Variants in PITPNM3 observed in about 807,000 individuals in gnomAD.
The protein encoded by PITPNM3 is PITPNM family member 3, also known as membrane-associated phosphatidylinositol transfer protein 3.
A neutral mutation model predicts 102.0 loss-of-function variants in PITPNM3; 26 were observed. The ratio of observed to expected loss-of-function variants is 0.25; its 90% CI spans 0.19 to 0.35. PITPNM3 has a LOEUF of 0.35. Ranked by LOEUF, PITPNM3 falls within the 10% of genes least tolerant of loss-of-function variation. PITPNM3 has a pLI of 1.00. For synonymous variants in PITPNM3, 578 were observed against 558.6 expected, an observed-to-expected ratio of 1.03 and a Z score of -0.49; for missense variants, 1,083 against 1,346.1, an observed-to-expected ratio of 0.80 and a Z score of 3.06.
At position 6,499,587 on chromosome 17, in the gene PITPNM3, T is replaced by A. The variant is rs28731299; in HGVS notation, c.274+3940A>T. 2.6e-5 allele frequency among the ~76,000 whole-genome samples: 4 copies of A among 152,264 alleles called. No individual in the cohort carries two copies. The South Asian group carries it at 6.2e-4, about 24-fold the overall frequency. Reference sequence around the variant, plus strand: ...CAGCTTCCAAGGCACATCCGTCCAGTAACAAGTGACAACCATCAGAACTTT... The same window carrying A: ...CAGCTTCCAAGGCACATCCGTCCAGAAACAAGTGACAACCATCAGAACTTT... On this transcript the variant is annotated intron_variant, in intron 4 of 19. Transcript: ENST00000262483.
chr17:6,549,793 C>T (rs1190845578), intron 1 of PITPNM3, among the ~76,000 whole-genome samples: 3 of 152,230 alleles, frequency 2.0e-5, no homozygotes, highest in Non-Finnish European at 4.4e-5. Flanking sequence ...ATTCTCTCCT[C>T]CCCCCTCCCA....
intron 1 of PITPNM3, among the ~76,000 whole-genome samples, chr17:6,542,032 G>C (rs1909755788): frequency 6.6e-6 from 1 of 152,230 alleles, no homozygotes; most frequent in South Asian, 2.1e-4. Context: ...TTGCTCTGCG[G>C]AAGAGATCAG....
rs922081282 is a variant in PITPNM3 at position 6,455,132 on chromosome 17, G to C, written c.*206C>G. 6.5e-6 allele frequency: 4 copies of C among 618,724 alleles called. No individual in the cohort carries two copies. Among genetic ancestry groups the C allele is most frequent in the Non-Finnish European group, 1.1e-5 (4 of 378,754 alleles). 38.3% of individuals were successfully genotyped at this position (618,724 alleles called of 1,614,324 possible). ...CGTGGGAGGCAGCAGTGGCTGCACC[G>C]AGATCCCCGGACCTCACCCCGTCGC... On this transcript the variant is annotated 3_prime_UTR_variant, in exon 20 of 20. Transcript: ENST00000262483.
At chr17:6,516,376 A>T (rs1376426133) in intron 3 of PITPNM3, among the ~76,000 whole-genome samples, 2 of 151,600 alleles carry the variant, frequency 1.3e-5, no homozygotes, top group African/African-American at 4.9e-5. Context: ...ATCCTGGCTA[A>T]CATGGCGAAA....
At chr17:6,466,013 G>A (rs888462844) in intron 14 of PITPNM3, among the ~76,000 whole-genome samples, 1 of 152,190 alleles carries the variant, frequency 6.6e-6, no homozygotes, top group Admixed American at 6.5e-5. Context: ...ACTGCCCTCT[G>A]CGTAGAGTCC....
chr17:6,461,291 C>T (rs1904436623), intron 18 of PITPNM3, 82 bp downstream of exon 18: 4 of 1,503,778 alleles, frequency 2.7e-6, no homozygotes, highest in South Asian at 1.1e-5. Context: ...AGGCCCCACC[C>T]GGGAGGAGGG....
chr17:6,460,722 G>T (rs772789346), intron 18 of PITPNM3: 1 of 153,474 alleles, frequency 6.5e-6, no homozygotes, highest in South Asian at 2.1e-4. Context: ...GCTGTGGGCT[G>T]GGTTTGGTCA....
Position 6,556,411 on chromosome 17 carries a change from C to G in PITPNM3, c.-5G>C. 7.7e-7 allele frequency: 1 copy of G among 1,302,220 alleles called. No homozygotes were observed. The highest frequency in any genetic ancestry group is 9.8e-7 in the Non-Finnish European group (1 of 1,025,044). The allele number at this position is 1,302,220 out of a possible 1,614,324, so 80.7% of individuals were successfully genotyped here. Reference sequence around the variant, plus strand: ...TGCACGGCCCGCCTTGGCCATGTCCCGGGCGGCGGGCTCCGGCGGCGCTAC... The same window carrying G: ...TGCACGGCCCGCCTTGGCCATGTCCGGGGCGGCGGGCTCCGGCGGCGCTAC... On this transcript the variant is annotated 5_prime_UTR_variant, in exon 1 of 20. Transcript: ENST00000262483. The surrounding 1 kb of genome is among the most constrained non-coding windows in gnomAD (Gnocchi z 5.2).
intron 1 of PITPNM3, 51 bp from the exon 2 acceptor site, chr17:6,538,133 T>A: frequency 7.0e-7 from 1 of 1,418,956 alleles, no homozygotes; most frequent in Non-Finnish European, 9.9e-7. Flanking sequence ...TGTCCCAGTA[T>A]GAGGGAGGTG....
chr17:6,499,079 C>G (rs990475018), intron 4 of PITPNM3, among the ~76,000 whole-genome samples: 2 of 152,102 alleles, frequency 1.3e-5, no homozygotes, highest in Non-Finnish European at 2.9e-5. Context: ...CAGTAGGTCA[C>G]CCAGGTCTCC....
At chr17:6,512,062 A>G (rs1163231264) in intron 3 of PITPNM3, among the ~76,000 whole-genome samples, 1 of 152,234 alleles carries the variant, frequency 6.6e-6, no homozygotes, top group Non-Finnish European at 1.5e-5. Flanking sequence ...CTTCCATAGC[A>G]GAGGAGCCAG....
chr17:6,505,091 G>A (rs1292698655), intron 3 of PITPNM3, among the ~76,000 whole-genome samples: 1 of 151,604 alleles, frequency 6.6e-6, no homozygotes, highest in Non-Finnish European at 1.5e-5. Context: ...CAGGAGAATT[G>A]CTTGAACCCA....
At chr17:6,547,983 C>T (rs1910114223) in intron 1 of PITPNM3, among the ~76,000 whole-genome samples, 1 of 152,136 alleles carries the variant, frequency 6.6e-6, no homozygotes, top group African/African-American at 2.4e-5. Context: ...CTGCCTCGGC[C>T]TCCCAAAGTG....
intron 5 of PITPNM3, 116 bp from the exon 6 acceptor site, chr17:6,483,868 G>C: frequency 1.1e-6 from 1 of 910,674 alleles, no homozygotes; most frequent in Middle Eastern, 3.0e-4. Flanking sequence ...CGCACACACG[G>C]GGAGACTGAG....
At chr17:6,498,619 G>T (rs560497138) in intron 4 of PITPNM3, among the ~76,000 whole-genome samples, 2 of 152,168 alleles carry the variant, frequency 1.3e-5, no homozygotes, top group Non-Finnish European at 2.9e-5. Flanking sequence ...AGAAGATAGG[G>T]CCTCAACTAG....
At chr17:6,504,716 C>T (rs1434738058) in intron 3 of PITPNM3, among the ~76,000 whole-genome samples, 1 of 152,208 alleles carries the variant, frequency 6.6e-6, no homozygotes, top group Non-Finnish European at 1.5e-5. Context: ...AGTGACACTG[C>T]ATTATAATTG....
At position 6,463,830 on chromosome 17, in the gene PITPNM3, C is replaced by G. The variant is rs763196443; in HGVS notation, c.2208G>C (p.Met736Ile). 6 of 1,613,996 alleles carry G rather than the reference C, an allele frequency of 3.7e-6. No homozygotes were observed. The highest frequency in any genetic ancestry group is 4.2e-6 in the Non-Finnish European group (5 of 1,179,998). Reference protein sequence around the residue: ...MSYLTVLPRGMECVVFSIDGS... With the variant: ...MSYLTVLPRGIECVVFSIDGS... ...CATCAATGCTGAACACTACACACTCCATGCCCCTGGGCAACACCGTGAGGT... is the reference window on the plus strand; with the variant it reads ...CATCAATGCTGAACACTACACACTCGATGCCCCTGGGCAACACCGTGAGGT... The change falls in exon 17 of 20, where the codon ATG becomes ATC. Residue 736 changes from methionine (M) to isoleucine (I), a missense_variant. Transcript: ENST00000262483.
At chr17:6,487,358 G>A (rs780805964) in intron 4 of PITPNM3, among the ~76,000 whole-genome samples, 2 of 152,168 alleles carry the variant, frequency 1.3e-5, no homozygotes, top group Non-Finnish European at 2.9e-5. Context: ...GTGGAACACA[G>A]GAAGTGTCAC....
chr17:6,473,361 C>G (rs1245103330), intron 10 of PITPNM3: 1 of 206,178 alleles, frequency 4.9e-6, no homozygotes, highest in African/African-American at 2.3e-5. Flanking sequence ...ACCTCATCGG[C>G]GGGCCTCCCT....
Sources: gnomAD v4.1 joint callset for allele counts (sites outside exome capture counted in the v4.1 genomes callset) on GRCh38, gnomAD v4.1.1 for gene constraint, Gnocchi (gnomAD v3.1) non-coding constraint, MANE v1.5 for transcripts, NCBI Gene and HGNC (gene_info 2026-07-23, HGNC 2026-07-21) for gene names.